IL33: variants seen among roughly 807,000 people sequenced by gnomAD.
The protein encoded by IL33 is interleukin 33, also known as interleukin-33.
In IL33, 37 loss-of-function variants were observed where a neutral mutation model predicts 27.3. That is an observed-to-expected ratio of 1.36 (90% CI 1.04 to 1.78). The LOEUF (loss-of-function observed/expected upper bound fraction) is 1.78, where lower values mean the gene tolerates loss of function less well. Among genes scored for constraint, IL33 ranks in the 40% most tolerant of loss-of-function variants. The pLI is 0.00. For missense variants in IL33, 406 were observed against 311.4 expected (o/e 1.30, Z -2.29); for synonymous variants, 132 against 102.9 (o/e 1.28, Z -1.71).
chr9:6,216,154 G>A (rs574765923), intron 1 of IL33, among the ~76,000 whole-genome samples: 6 of 152,138 alleles, frequency 3.9e-5, no homozygotes, highest in South Asian at 2.1e-4. Flanking sequence ...TTTAAGAGAT[G>A]GGATCTTGCT....
At chr9:6,228,358 G>A (rs1818744186) in intron 1 of IL33, among the ~76,000 whole-genome samples, 1 of 152,116 alleles carries the variant, frequency 6.6e-6, no homozygotes, top group African/African-American at 2.4e-5. Flanking sequence ...ACATGCTTTT[G>A]CTAAGTATTT....
At chr9:6,231,665 C>T (rs893038998) in intron 1 of IL33, among the ~76,000 whole-genome samples, 1 of 152,198 alleles carries the variant, frequency 6.6e-6, no homozygotes, top group Non-Finnish European at 1.5e-5. Flanking sequence ...TTGCTTTGTT[C>T]AGTACTGTAT....
At chr9:6,239,494 G>A (rs572023195) in intron 1 of IL33, among the ~76,000 whole-genome samples, 1 of 152,210 alleles carries the variant, frequency 6.6e-6, no homozygotes, top group African/African-American at 2.4e-5. Context: ...GACACACCTA[G>A]TCCTAACCAG....
At chr9:6,250,346 C>G in intron 2 of IL33, 128 bp from the exon 3 acceptor site, 2 of 1,091,372 alleles carry the variant, frequency 1.8e-6, no homozygotes, top group Non-Finnish European at 2.6e-6. Context: ...TGAAACACAG[C>G]TGAGTTAAGG....
At chr9:6,255,444 G>T (rs1233879085) in intron 7 of IL33, among the ~76,000 whole-genome samples, 1 of 151,968 alleles carries the variant, frequency 6.6e-6, no homozygotes, top group African/African-American at 2.4e-5. Context: ...TGGGCTAAAT[G>T]TTTTACAAAT....
chr9:6,219,426 A>G (rs900226002), intron 1 of IL33, among the ~76,000 whole-genome samples: 1 of 152,194 alleles, frequency 6.6e-6, no homozygotes, highest in African/African-American at 2.4e-5. Context: ...CTCCTGGCAC[A>G]TGCTGCTCAT....
intron 7 of IL33, among the ~76,000 whole-genome samples, chr9:6,254,983 T>C (rs1373209377): frequency 6.6e-6 from 1 of 152,196 alleles, no homozygotes. Context: ...CGTTTCTTTG[T>C]ATAATATCAT....
intron 2 of IL33, among the ~76,000 whole-genome samples, chr9:6,242,897 A>C (rs922075126): frequency 1.3e-5 from 2 of 152,198 alleles, no homozygotes; most frequent in Non-Finnish European, 2.9e-5. Context: ...ATTTCCACTC[A>C]TGATGGAAAG....
intron 1 of IL33, among the ~76,000 whole-genome samples, chr9:6,237,350 T>C (rs1819282326): frequency 1.3e-5 from 2 of 152,222 alleles, no homozygotes; most frequent in South Asian, 4.1e-4. Flanking sequence ...GAAAATACTT[T>C]TTCAGAATAG....
chr9:6,249,188 C>G (rs1205415258), intron 2 of IL33, among the ~76,000 whole-genome samples: 1 of 152,094 alleles, frequency 6.6e-6, no homozygotes. Context: ...TTAAAGGTAC[C>G]TACTCATCTG....
Position 6,238,987 on chromosome 9 carries a change from T to C in IL33, c.-11-2697T>C, listed in dbSNP as rs138908182. Among the ~76,000 whole-genome samples the C allele has an allele frequency of 7.1e-3, 1,083 of 152,302 alleles. 9 individuals carry two copies. Among genetic ancestry groups the C allele is most frequent in the African/African-American group, 0.025 (1,025 of 41,556 alleles). On this transcript the variant is annotated intron_variant, in intron 1 of 7. Coordinates refer to ENST00000682010, the MANE Select transcript of IL33 (RefSeq NM_033439.4). Reference sequence around the variant, plus strand: ...AAGGTATCACATCGATTGATGTCCCTTGCTTGAATCAAGTATTAAATTGGG... The same window carrying C: ...AAGGTATCACATCGATTGATGTCCCCTGCTTGAATCAAGTATTAAATTGGG...
At chr9:6,250,434 A>C in intron 2 of IL33, 40 bp from the exon 3 acceptor site, 1 of 1,604,834 alleles carries the variant, frequency 6.2e-7, no homozygotes, top group Non-Finnish European at 8.5e-7. Flanking sequence ...GATAAAGATG[A>C]ATGGAATGAA....
intron 1 of IL33, among the ~76,000 whole-genome samples, chr9:6,235,193 A>G (rs537966745): frequency 1.7e-4 from 26 of 152,160 alleles, no homozygotes; most frequent in African/African-American, 5.8e-4. Flanking sequence ...CGTGCACACC[A>G]CCCAGTCCAG....
intron 1 of IL33, among the ~76,000 whole-genome samples, chr9:6,225,080 T>C (rs185164424): frequency 1.3e-5 from 2 of 152,294 alleles, no homozygotes; most frequent in African/African-American, 4.8e-5. Flanking sequence ...TTTCCATGAC[T>C]GAGATTTAAT....
Position 6,251,174 on chromosome 9 carries a change from CT to C in IL33, c.253del (p.Cys85ValfsTer42). ...KHKRHLVLAA[C>X]QQQSTVECFA... Reference sequence around the variant, plus strand: ...ACAAAAGACATCTGGTACTCGCTGCCTGTCAACAGCAGTCTACTGTGGAGTG... The same window carrying C: ...ACAAAAGACATCTGGTACTCGCTGCCGTCAACAGCAGTCTACTGTGGAGTG... On this transcript the variant is annotated frameshift_variant, in exon 4 of 8. Transcript: ENST00000682010. LOFTEE classifies it high-confidence loss of function. 6.2e-7 allele frequency: 1 copy of C among 1,613,950 alleles called. No individual in the cohort carries two copies. The highest frequency in any genetic ancestry group is 2.2e-5 in the East Asian group (1 of 44,870).
intron 1 of IL33, among the ~76,000 whole-genome samples, chr9:6,224,145 T>C (rs754140122): frequency 2.0e-5 from 3 of 152,216 alleles, no homozygotes; most frequent in Non-Finnish European, 4.4e-5. Context: ...GAAACTCCTC[T>C]TGTTATTCCT....
At chr9:6,237,761 TA>T in intron 1 of IL33, among the ~76,000 whole-genome samples, 1 of 152,166 alleles carries the variant, frequency 6.6e-6, no homozygotes, top group Non-Finnish European at 1.5e-5. Context: ...CTAAGATTAT[TA>T]AAAAAAGTAA....
At chr9:6,216,482 C>A (rs769138626) in intron 1 of IL33, among the ~76,000 whole-genome samples, 1 of 152,208 alleles carries the variant, frequency 6.6e-6, no homozygotes, top group Non-Finnish European at 1.5e-5. Context: ...AGCCTGTAAT[C>A]CCAACACTTT....
chr9:6,256,076 G>T lies in IL33; in HGVS notation c.721G>T (p.Gly241Cys). ...ECKTDPGVFI[G>C]VKDNHLALIK... Reference sequence around the variant, plus strand: ...CAAGACTGATCCTGGAGTGTTTATAGGTGTAAAGGATAATCATCTTGCTCT... The same window carrying T: ...CAAGACTGATCCTGGAGTGTTTATATGTGTAAAGGATAATCATCTTGCTCT... The change falls in exon 8 of 8, where the codon GGT becomes TGT. Residue 241 changes from glycine (G) to cysteine (C), a missense_variant. Coordinates refer to ENST00000682010, the MANE Select transcript of IL33 (RefSeq NM_033439.4). 6.2e-7 allele frequency: 1 copy of T among 1,613,024 alleles called. No homozygotes were observed. Among genetic ancestry groups the T allele is most frequent in the Non-Finnish European group, 8.5e-7 (1 of 1,179,102 alleles).
Sources: gnomAD v4.1 joint callset for allele counts (sites outside exome capture counted in the v4.1 genomes callset) on GRCh38, gnomAD v4.1.1 for gene constraint, MANE v1.5 for transcripts, NCBI Gene and HGNC (gene_info 2026-07-23, HGNC 2026-07-21) for gene names.